The following ZKSCAN2 variants were observed in gnomAD, a reference collection of about 807,000 sequenced individuals.
ZKSCAN2 encodes zinc finger protein with KRAB and SCAN domains 2.
In ZKSCAN2, 38 loss-of-function variants were observed where a neutral mutation model predicts 90.5. The observed-to-expected ratio is 0.42, with a 90% CI of 0.32 to 0.55. The LOEUF (loss-of-function observed/expected upper bound fraction) is 0.55, where lower values mean the gene tolerates loss of function less well. Among genes scored for constraint, ZKSCAN2 ranks in the 20% least tolerant of loss-of-function variants. The pLI is 0.11. For synonymous variants in ZKSCAN2, 429 were observed against 421.6 expected (o/e 1.02, Z -0.22); for missense variants, 1,167 against 1,202.6 (o/e 0.97, Z 0.44).
intron 6 of ZKSCAN2, among the ~76,000 whole-genome samples, chr16:25,241,763 T>TC (rs1176856602): frequency 1.3e-5 from 2 of 152,166 alleles, no homozygotes; most frequent in Non-Finnish European, 2.9e-5. Flanking sequence ...TTCCACACAT[T>TC]CAGTAGAAAC....
At chr16:25,241,641 A>T (rs1291200670) in intron 6 of ZKSCAN2, among the ~76,000 whole-genome samples, 1 of 152,188 alleles carries the variant, frequency 6.6e-6, no homozygotes, top group African/African-American at 2.4e-5. Context: ...ACGTTATTTC[A>T]TCCATAAACA....
rs1181567783 is a variant in ZKSCAN2 at position 25,239,395 on chromosome 16, C to A, written c.*421G>T. The stretch of plus-strand genomic sequence containing the variant: ...CCGATCAGACTCCTCAAAGTTCTAT[C>A]TAAATGTGAAAATCTGTTATCAAGT... On this transcript the variant is annotated 3_prime_UTR_variant, in exon 7 of 7. Coordinates refer to ENST00000328086, the MANE Select transcript of ZKSCAN2 (RefSeq NM_001012981.5). The A allele has an allele frequency of 1.3e-5, 2 of 158,714 alleles. No homozygotes were observed. The highest frequency in any genetic ancestry group is 2.8e-5 in the Non-Finnish European group (2 of 71,818). 9.8% of individuals were successfully genotyped at this position (158,714 alleles called of 1,614,324 possible).
intron 6 of ZKSCAN2, among the ~76,000 whole-genome samples, chr16:25,242,765 A>G (rs747540183): frequency 5.3e-5 from 8 of 152,266 alleles, no homozygotes; most frequent in Non-Finnish European, 8.8e-5. Flanking sequence ...AGATGAGCTC[A>G]GATCAAAAAT....
chr16:25,256,913 C>A lies in ZKSCAN2; in HGVS notation c.215G>T (p.Arg72Leu), dbSNP rs780366560. The A allele has an allele frequency of 1.2e-6, 2 of 1,614,196 alleles. No homozygotes were observed. Among genetic ancestry groups the A allele is most frequent in the South Asian group, 2.2e-5 (2 of 91,084 alleles). The change falls in exon 1 of 7, where the codon CGG becomes CTG. Residue 72 changes from arginine (R) to leucine (L), a missense_variant. Physicochemically the swap from Arg to Leu is moderately radical, Grantham distance 102. Transcript: ENST00000328086. Reference sequence around the variant, plus strand: ...GGAACGCATTTCTGGCTTCAGCCACCGGCAGCAAAGTTCCCAGAGTTTACT... The same window carrying A: ...GGAACGCATTTCTGGCTTCAGCCACAGGCAGCAAAGTTCCCAGAGTTTACT... ...AFSKLWELCC[R>L]WLKPEMRSKE... is the part of the protein sequence containing the mutation.
chr16:25,243,245 T>C (rs1395447468), intron 6 of ZKSCAN2, among the ~76,000 whole-genome samples: 2 of 152,188 alleles, frequency 1.3e-5, no homozygotes, highest in Non-Finnish European at 2.9e-5. Flanking sequence ...GTCTGACCCA[T>C]ACCAACAAAA....
At position 25,247,196 on chromosome 16, in the gene ZKSCAN2, C is replaced by A; in HGVS notation, c.1000G>T (p.Glu334Ter). Residue 334 changes from glutamate to a stop codon, truncating the protein, a stop_gained, in exon 5 of 7, where the codon GAA becomes TAA. Coordinates refer to ENST00000328086, the MANE Select transcript of ZKSCAN2 (RefSeq NM_001012981.5). LOFTEE classifies it high-confidence loss of function. ...TWREQQQWGL[E>*]DEKIAGVHWS... ...TGCACACCTGCTATCTTTTCATCTT[C>A]TAAACCCCACTGCTGCTGCTCTCTC... 1 of 1,614,234 alleles carries A rather than the reference C, an allele frequency of 6.2e-7. No homozygotes were observed. The highest frequency in any genetic ancestry group is 8.5e-7 in the Non-Finnish European group (1 of 1,180,038).
At chr16:25,253,835 C>T (rs1963056783) in intron 2 of ZKSCAN2, among the ~76,000 whole-genome samples, 1 of 152,042 alleles carries the variant, frequency 6.6e-6, no homozygotes, top group Non-Finnish European at 1.5e-5. Flanking sequence ...TGGTGAAACC[C>T]CATCTCTACT....
intron 2 of ZKSCAN2, 112 bp downstream of exon 2, chr16:25,255,094 C>T: frequency 1.8e-6 from 2 of 1,100,528 alleles, no homozygotes; most frequent in Non-Finnish European, 1.3e-6. Flanking sequence ...AACCTTTCTC[C>T]TATTCTGAAT....
chr16:25,250,734 C>T (rs1339061861), intron 4 of ZKSCAN2, among the ~76,000 whole-genome samples: 2 of 152,020 alleles, frequency 1.3e-5, no homozygotes, highest in African/African-American at 2.4e-5. Context: ...CTTAAATATA[C>T]ACAATTTTAT....
At position 25,253,031 on chromosome 16, in the gene ZKSCAN2, G is replaced by A. The variant is rs1597646447; in HGVS notation, c.593C>T (p.Pro198Leu). 1 of 1,613,662 alleles carries A rather than the reference G, an allele frequency of 6.2e-7. No homozygotes were observed. Among genetic ancestry groups the A allele is most frequent in the South Asian group, 1.1e-5 (1 of 91,074 alleles). The change falls in exon 3 of 7, where the codon CCT becomes CTT. Residue 198 changes from proline (P) to leucine (L), a missense_variant. Coordinates refer to ENST00000328086, the MANE Select transcript of ZKSCAN2 (RefSeq NM_001012981.5). ...AGCAAGGGCAGGAACCCAGGGAGAA[G>A]GCCGAGCTGTAAGAATAGAAAGAAA... ...ERRPLPKNARPSPWVPALADE... is the reference protein window; with the variant it reads ...ERRPLPKNARLSPWVPALADE...
At chr16:25,253,805 C>A (rs1166279922) in intron 2 of ZKSCAN2, among the ~76,000 whole-genome samples, 3 of 152,090 alleles carry the variant, frequency 2.0e-5, no homozygotes, top group Non-Finnish European at 4.4e-5. Context: ...GTGAGGAGTT[C>A]AAGACCAGCC....
rs1962801455 is a variant in ZKSCAN2, at chr16:25,238,554, C to T, written c.*1262G>A. On this transcript the variant is annotated 3_prime_UTR_variant, in exon 7 of 7. Transcript: ENST00000328086. ...AAAACAAAAACGGTGTTCTGGATTT[C>T]TGGATTGAAGTTTTTATAAATGTTC... 6.6e-6 allele frequency: 1 copy of T among 152,190 alleles called. No individual in the cohort carries two copies. Among genetic ancestry groups the T allele is most frequent in the Admixed American group, 6.5e-5 (1 of 15,280 alleles). 9.4% of individuals were successfully genotyped at this position (152,190 alleles called of 1,614,324 possible). A position where few individuals can be genotyped will look rare whatever the true frequency, so the allele number is the denominator to read the frequency against.
At chr16:25,247,673 T>C (rs1962954609) in intron 4 of ZKSCAN2, among the ~76,000 whole-genome samples, 1 of 152,218 alleles carries the variant, frequency 6.6e-6, no homozygotes, top group Non-Finnish European at 1.5e-5. Flanking sequence ...TCTCTCTCAG[T>C]AGCCAGTGTT....
At chr16:25,253,292 C>T (rs1412019489) in intron 2 of ZKSCAN2, among the ~76,000 whole-genome samples, 1 of 152,182 alleles carries the variant, frequency 6.6e-6, no homozygotes, top group Admixed American at 6.5e-5. Context: ...GGAGAGCACA[C>T]ATCTGATTGA....
chr16:25,244,578 G>A (rs1347264156), intron 5 of ZKSCAN2, among the ~76,000 whole-genome samples: 6 of 152,196 alleles, frequency 3.9e-5, no homozygotes, highest in East Asian at 1.9e-4. Flanking sequence ...AACTGAAATC[G>A]GTAAACTAAT....
intron 6 of ZKSCAN2, among the ~76,000 whole-genome samples, chr16:25,242,434 G>T (rs1055617656): frequency 1.3e-5 from 2 of 152,166 alleles, no homozygotes; most frequent in African/African-American, 4.8e-5. Flanking sequence ...GAATTACCCT[G>T]CATATTCAAC....
rs55673563 is a variant in ZKSCAN2, at chr16:25,248,282, CAAAAAA to C, written c.806-898_806-893del. Among the ~76,000 whole-genome samples, 67 of 23,230 alleles carry C rather than the reference CAAAAAA, an allele frequency of 2.9e-3. 2 individuals are homozygous for C. Among genetic ancestry groups the C allele is most frequent in the African/African-American group, 1.0e-2 (64 of 6,426 alleles). The allele number at this position is 23,230 out of a possible 152,430, so 15.2% of individuals were successfully genotyped here. A position where few individuals can be genotyped will look rare whatever the true frequency, so the allele number is the denominator to read the frequency against. ...ATCAAACTACAAAGCTTCTATACAG[CAAAAAA>C]AAAAAAAAAAAAAAAAAAATCTAAT... On this transcript the variant is annotated intron_variant, in intron 4 of 6. Coordinates refer to ENST00000328086, the MANE Select transcript of ZKSCAN2 (RefSeq NM_001012981.5).
Position 25,243,123 on chromosome 16 carries a change from A to G in ZKSCAN2, c.1981+662T>C, listed in dbSNP as rs138366974. Among the ~76,000 whole-genome samples the G allele has an allele frequency of 8.4e-3, 1,281 of 152,306 alleles. 26 individuals are homozygous for G. Among genetic ancestry groups the G allele is most frequent in the African/African-American group, 0.029 (1,192 of 41,558 alleles). The stretch of plus-strand genomic sequence containing the variant: ...TTTGTCTTGCACACCCCATATAACC[A>G]TAAGATATTCTTCTTTTGTGCTTAC... On this transcript the variant is annotated intron_variant, in intron 6 of 6. Transcript: ENST00000328086.
rs771368883 is a variant in ZKSCAN2 at position 25,255,364 on chromosome 16, T to G, written c.428A>C (p.His143Pro). The stretch of plus-strand genomic sequence containing the variant: ...CTCCCACGCTGCTCCAAGTGGGGAG[T>G]GCTTCTCCCGGTGCACGGGACTGCT... ...QVSSPVHREK[H>P]SPLGAAWEVA... The change falls in exon 2 of 7, where the codon CAC becomes CCC. Residue 143 changes from histidine to proline, a missense_variant. Transcript: ENST00000328086. The G allele has an allele frequency of 4.3e-6, 7 of 1,612,168 alleles. No homozygotes were observed. The African/African-American group carries it at 9.4e-5, about 22-fold the overall frequency.
Sources: allele counts gnomAD v4.1 joint callset (sites outside exome capture counted in the v4.1 genomes callset), GRCh38; gene constraint gnomAD v4.1.1; transcripts MANE v1.5; gene names NCBI Gene and HGNC (gene_info 2026-07-23, HGNC 2026-07-21).